The following ZNF680 variants were observed in gnomAD, a reference collection of about 807,000 sequenced individuals.
The protein encoded by ZNF680 is hypothetical protein FLJ90430.
A neutral mutation model predicts 12.1 loss-of-function variants in ZNF680; 6 were observed. The ratio of observed to expected loss-of-function variants is 0.49; its 90% CI spans 0.27 to 0.98. The LOEUF (loss-of-function observed/expected upper bound fraction) is 0.98. Ranked by LOEUF, ZNF680 falls within the 50% of genes least tolerant of loss-of-function variation. The pLI, the probability that ZNF680 is intolerant of heterozygous loss-of-function variation, is 0.12. For missense variants in ZNF680, 561 were observed against 616.3 expected (o/e 0.91, Z 0.95); for synonymous variants, 170 against 199.3 (o/e 0.85, Z 1.24).
chr7:64,515,364 T>C (rs1400784349), downstream of ZNF680, among the ~76,000 whole-genome samples: 1 of 151,870 alleles, frequency 6.6e-6, no homozygotes, highest in Non-Finnish European at 1.5e-5. Context: ...CTAGCTACTG[T>C]TCCCTACACA....
chr7:64,510,919 A>AT, the ZNF680 span, among the ~76,000 whole-genome samples: 37 of 19,782 alleles, frequency 1.9e-3, 6 homozygotes, highest in Non-Finnish European at 2.8e-3. Flanking sequence ...CAAAAAAAAA[A>AT]AATAAAAAAT....
intron 1 of ZNF680, chr7:64,561,342 T>C (rs10266644): frequency 0.081 from 12,343 of 152,430 alleles, 1,001 homozygotes; most frequent in East Asian, 0.36. Context: ...ATGGTGGGTA[T>C]CATGGTTTAT....
intron 1 of ZNF680, among the ~76,000 whole-genome samples, chr7:64,556,667 A>G (rs1487986640): frequency 6.6e-6 from 1 of 152,238 alleles, no homozygotes; most frequent in African/African-American, 2.4e-5. Flanking sequence ...TAGAACATAC[A>G]ATTGTAAAAA....
rs1029898497 is a variant in ZNF680 at position 64,520,982 on chromosome 7, T to C, written c.*179A>G. ...TCTTTCTCAAGTAAAAATGCTTTCC[T>C]GTGCAATAAGATGTGAGTATTGGTT... is the stretch of plus-strand genomic sequence containing the variant. On this transcript the variant is annotated 3_prime_UTR_variant, in exon 4 of 4. Coordinates refer to ENST00000309683, the MANE Select transcript of ZNF680 (RefSeq NM_178558.5). 7 of 625,450 alleles carry C rather than the reference T, an allele frequency of 1.1e-5. No individual in the cohort carries two copies. In the Admixed American group the frequency reaches 2.1e-4, roughly 18 times the overall value. The allele number at this position is 625,450 out of a possible 1,614,324, so 38.7% of individuals were successfully genotyped here. A position where few individuals can be genotyped will look rare whatever the true frequency, so the allele number is the denominator to read the frequency against.
intron 3 of ZNF680, among the ~76,000 whole-genome samples, chr7:64,539,130 C>CA (rs529165573): frequency 0.02 from 1,549 of 77,584 alleles, 51 homozygotes; most frequent in Middle Eastern, 0.051. Flanking sequence ...GACTCCATCT[C>CA]AAAAAAAAAA....
At chr7:64,517,118 G>A (rs964375409), downstream of ZNF680, among the ~76,000 whole-genome samples, 1 of 151,506 alleles carries the variant, frequency 6.6e-6, no homozygotes, top group African/African-American at 2.4e-5. Context: ...GCTCAGTGCA[G>A]AACTAAATAA....
At position 64,520,789 on chromosome 7, in the gene ZNF680, T is replaced by C. The variant is rs1242617585; in HGVS notation, c.*372A>G. 2.3e-4 allele frequency: 42 copies of C among 179,220 alleles called. No individual in the cohort carries two copies. The highest frequency in any genetic ancestry group is 2.4e-5 in the Non-Finnish European group (2 of 84,642). 11.1% of individuals were successfully genotyped at this position (179,220 alleles called of 1,614,324 possible). A position where few individuals can be genotyped will look rare whatever the true frequency, so the allele number is the denominator to read the frequency against. On this transcript the variant is annotated 3_prime_UTR_variant, in exon 4 of 4. Transcript: ENST00000309683. ...CCTCCTATGCTCCTTATATTTGTTA[T>C]GTTTGTCTTCAAAATAAACACGCTT...
chr7:64,544,562 A>G, intron 1 of ZNF680, 130 bp from the exon 2 acceptor site: 1 of 1,411,438 alleles, frequency 7.1e-7, no homozygotes. Context: ...GACTTACAGG[A>G]GTGAGTCAAA....
At chr7:64,544,863 A>G (rs1584388433) in intron 1 of ZNF680, among the ~76,000 whole-genome samples, 1 of 152,302 alleles carries the variant, frequency 6.6e-6, no homozygotes, top group East Asian at 1.9e-4. Context: ...TTTTTAGAAA[A>G]TCTGGAATAA....
intron 3 of ZNF680, among the ~76,000 whole-genome samples, chr7:64,533,043 C>A (rs570391719): frequency 6.6e-6 from 1 of 152,284 alleles, no homozygotes; most frequent in East Asian, 1.9e-4. Context: ...TCATCTATGA[C>A]AAACCCACAG....
intron 1 of ZNF680, among the ~76,000 whole-genome samples, chr7:64,554,928 A>G (rs1787325762): frequency 6.6e-6 from 1 of 152,030 alleles, no homozygotes; most frequent in South Asian, 2.1e-4. Context: ...TCCCTCCACT[A>G]TTGTCCTATG....
rs559036151 is a variant in ZNF680 at position 64,543,449 on chromosome 7, C to T, written c.253+258G>A. Among the ~76,000 whole-genome samples, 80 of 152,290 alleles carry T rather than the reference C, an allele frequency of 5.3e-4. 2 individuals are homozygous for T. The South Asian group carries it at 0.016, about 30-fold the overall frequency. On this transcript the variant is annotated intron_variant, in intron 3 of 3. Coordinates refer to ENST00000309683, the MANE Select transcript of ZNF680 (RefSeq NM_178558.5). Reference sequence around the variant, plus strand: ...GAACATCAGTCAGATTGTGCAGTCTCTTATAAGCCATAAAGAGGACTTTGG... The same window carrying T: ...GAACATCAGTCAGATTGTGCAGTCTTTTATAAGCCATAAAGAGGACTTTGG...
intron 1 of ZNF680, among the ~76,000 whole-genome samples, chr7:64,554,321 C>A (rs1787274824): frequency 6.6e-6 from 1 of 152,058 alleles, no homozygotes; most frequent in Admixed American, 6.5e-5. Context: ...GCCACCCAGT[C>A]TGGGAAGTGA....
At chr7:64,501,704 G>A in the ZNF680 span, 1 of 1,056,722 alleles carries the variant, frequency 9.5e-7, no homozygotes, top group Non-Finnish European at 1.5e-6. Flanking sequence ...GACAGAGACA[G>A]CGCCAATGGC....
chr7:64,499,069 T>C, the ZNF680 span, among the ~76,000 whole-genome samples: 2 of 152,316 alleles, frequency 1.3e-5, no homozygotes, highest in African/African-American at 4.8e-5. Flanking sequence ...TAGTCTGTTA[T>C]TCCAGAAAAA....
At chr7:64,558,202 T>C (rs1223519041) in intron 1 of ZNF680, among the ~76,000 whole-genome samples, 1 of 152,088 alleles carries the variant, frequency 6.6e-6, no homozygotes, top group African/African-American at 2.4e-5. Flanking sequence ...CTGCTGCAGA[T>C]TCAGTGTCTG....
intron 1 of ZNF680, among the ~76,000 whole-genome samples, chr7:64,552,301 C>T (rs940462034): frequency 2.6e-5 from 4 of 152,202 alleles, no homozygotes; most frequent in Non-Finnish European, 2.9e-5. Context: ...GATCCACCCG[C>T]GTTGGCCTCC....
At chr7:64,540,954 TAAAC>T (rs949840900) in intron 3 of ZNF680, among the ~76,000 whole-genome samples, 13 of 152,114 alleles carry the variant, frequency 8.5e-5, no homozygotes, top group Admixed American at 2.0e-4. Flanking sequence ...AAATTTATAA[TAAAC>T]AAAAATTTAC....
chr7:64,508,389 A>G, the ZNF680 span, among the ~76,000 whole-genome samples: 1 of 152,128 alleles, frequency 6.6e-6, no homozygotes, highest in Non-Finnish European at 1.5e-5. Flanking sequence ...AACTACTATT[A>G]TAGCCCCAGA....
Sources: allele counts gnomAD v4.1 joint callset (sites outside exome capture counted in the v4.1 genomes callset), GRCh38; gene constraint gnomAD v4.1.1; transcripts MANE v1.5; gene names NCBI Gene and HGNC (gene_info 2026-07-23, HGNC 2026-07-21).